SMARCB1: variants seen among roughly 807,000 people sequenced by gnomAD.
SMARCB1 encodes the protein SWI/SNF-related matrix-associated actin-dependent regulator of chromatin subfamily B member 1.
Under a neutral mutation model 49.0 loss-of-function variants are expected in SMARCB1, and 5 were observed. That is an observed-to-expected ratio of 0.10 (90% CI 0.05 to 0.21). The LOEUF (loss-of-function observed/expected upper bound fraction) is 0.21. SMARCB1 is among the 10% of genes least tolerant of loss of function. The pLI, the probability that SMARCB1 is intolerant of heterozygous loss-of-function variation, is 1.00. For synonymous variants in SMARCB1, 201 were observed against 200.1 expected (o/e 1.00, Z -0.04); for missense variants, 226 against 509.2 (o/e 0.44, Z 5.35).
intron 5 of SMARCB1, among the ~76,000 whole-genome samples, chr22:23,807,581 T>A (rs1972257): frequency 0.92 from 138,855 of 151,290 alleles, 63,858 homozygotes; most frequent in Middle Eastern, 0.96. Flanking sequence ...TCTCAAAAAC[T>A]TTTTTTTTAA....
Position 23,837,399 on chromosome 22 carries a change from G to A in SMARCB1, c.*3219G>A. On this transcript the variant is annotated 3_prime_UTR_variant, in exon 9 of 9. Transcript: ENST00000644036. The stretch of plus-strand genomic sequence containing the variant: ...ATAGTGGAGGAGTGGGAGCCATGGG[G>A]CAGGAACCCTGACCCTCCCATCCTC... 1 of 649,192 alleles carries A rather than the reference G, an allele frequency of 1.5e-6. No individual in the cohort carries two copies. 40.2% of individuals were successfully genotyped at this position (649,192 alleles called of 1,614,324 possible). A position where few individuals can be genotyped will look rare whatever the true frequency, so the allele number is the denominator to read the frequency against.
In SMARCB1 at chr22:23,837,550, G is replaced by C; in HGVS notation, c.*3370G>C. 2 of 1,158,994 alleles carry C rather than the reference G, an allele frequency of 1.7e-6. No individual in the cohort carries two copies. Among genetic ancestry groups the C allele is most frequent in the South Asian group, 2.9e-5 (2 of 68,188 alleles). The allele number at this position is 1,158,994 out of a possible 1,614,324, so 71.8% of individuals were successfully genotyped here. The stretch of plus-strand genomic sequence containing the variant: ...GGGCAGGAAGATGGGGATGGAGCCA[G>C]GTGTGAGGAGAACTCCAGCAAGGAT... On this transcript the variant is annotated 3_prime_UTR_variant, in exon 9 of 9. Coordinates refer to ENST00000644036, the MANE Select transcript of SMARCB1 (RefSeq NM_003073.5).
chr22:23,800,018 A>G (rs1431683855), intron 3 of SMARCB1, among the ~76,000 whole-genome samples: 1 of 150,490 alleles, frequency 6.6e-6, no homozygotes, highest in African/African-American at 2.4e-5. Context: ...TAGTAGAGAC[A>G]GGGTTTCACC....
chr22:23,830,649 C>CTTTTTTTTTTTTTTTTTTTTTTTTT (rs56800497), intron 7 of SMARCB1, among the ~76,000 whole-genome samples: 3 of 95,424 alleles, frequency 3.1e-5, no homozygotes, highest in African/African-American at 5.2e-5. Context: ...TCCAATTTAT[C>CTTTTTTTTTTTTTTTTTTTTTTTTT]TTTTTTTTTT....
chr22:23,823,002 A>G, intron 6 of SMARCB1: 1 of 81,190 alleles, frequency 1.2e-5, no homozygotes, highest in Non-Finnish European at 2.3e-5. Context: ...TTTTTTTGAC[A>G]CAGAGTCTCG....
chr22:23,821,615 T>A (rs886962508), intron 6 of SMARCB1, among the ~76,000 whole-genome samples: 1 of 152,080 alleles, frequency 6.6e-6, no homozygotes, highest in African/African-American at 2.4e-5. Context: ...TTTGGAGAGC[T>A]GAGGTGGGCA....
At chr22:23,821,210 G>A (rs1194736483) in intron 6 of SMARCB1, among the ~76,000 whole-genome samples, 1 of 152,208 alleles carries the variant, frequency 6.6e-6, no homozygotes, top group Non-Finnish European at 1.5e-5. Flanking sequence ...GTCCTGCTCT[G>A]CCCTTTGGGT....
At position 23,836,615 on chromosome 22, in the gene SMARCB1, G is replaced by A. The variant is rs1007433750; in HGVS notation, c.*2435G>A. 7.7e-5 allele frequency: 93 copies of A among 1,211,922 alleles called. No individual in the cohort carries two copies. The African/African-American group carries it at 1.4e-3, about 19-fold the overall frequency. 75.1% of individuals were successfully genotyped at this position (1,211,922 alleles called of 1,614,324 possible). A position where few individuals can be genotyped will look rare whatever the true frequency, so the allele number is the denominator to read the frequency against. On this transcript the variant is annotated 3_prime_UTR_variant, in exon 9 of 9. Transcript: ENST00000644036. The stretch of plus-strand genomic sequence containing the variant: ...CATGGGCAGTTTCTTTGCCCTCTGT[G>A]GGCACCCCTATCCTACCACCTGCAG...
chr22:23,833,448 G>A, intron 7 of SMARCB1, 124 bp from the exon 8 acceptor site: 1 of 1,351,772 alleles, frequency 7.4e-7, no homozygotes, highest in Non-Finnish European at 1.1e-6. Flanking sequence ...GGTGACTGGA[G>A]CATCCACTGG....
At chr22:23,833,726 G>A in intron 8 of SMARCB1, 23 bp downstream of exon 8, 1 of 1,613,652 alleles carries the variant, frequency 6.2e-7, no homozygotes, top group Non-Finnish European at 8.5e-7. Flanking sequence ...CTGTGGTCCT[G>A]GGCTCTGCCC....
At chr22:23,809,563 A>C (rs1929735730) in intron 5 of SMARCB1, among the ~76,000 whole-genome samples, 2 of 151,928 alleles carry the variant, frequency 1.3e-5, no homozygotes, top group South Asian at 4.1e-4. Flanking sequence ...GGCGTGAGCC[A>C]CTGTGCTCGG....
In SMARCB1 at chr22:23,801,019, A is replaced by G. The variant is rs35105793; in HGVS notation, c.438A>G (p.Pro146=). The part of the protein sequence containing the change: ...PNSSHHLDAV[P]CSTTINRNRM... ...GCTCCCACCACTTAGATGCCGTGCCATGCTCCACAACCATCAACAGGAACC... is the reference window on the plus strand; with the variant it reads ...GCTCCCACCACTTAGATGCCGTGCCGTGCTCCACAACCATCAACAGGAACC... Residue 146 remains proline, a synonymous_variant, in exon 4 of 9, where the codon CCA becomes CCG. Transcript: ENST00000644036. 1,522 of 1,614,144 alleles carry G rather than the reference A, an allele frequency of 9.4e-4. 11 individuals are homozygous for G. The African/African-American group carries it at 0.017, about 18-fold the overall frequency.
chr22:23,836,875 C>A lies in SMARCB1; in HGVS notation c.*2695C>A, dbSNP rs1369344318. 2.0e-6 allele frequency: 3 copies of A among 1,472,148 alleles called. No individual in the cohort carries two copies. In the Admixed American group the frequency reaches 7.8e-5, roughly 38 times the overall value. The allele number at this position is 1,472,148 out of a possible 1,614,324, so 91.2% of individuals were successfully genotyped here. ...GCCTGGCCCTGGGTGGGGGTCACTGCTGCGGGGGTGGCAGATGGGGTCCTG... is the reference window on the plus strand; with the variant it reads ...GCCTGGCCCTGGGTGGGGGTCACTGATGCGGGGGTGGCAGATGGGGTCCTG... On this transcript the variant is annotated 3_prime_UTR_variant, in exon 9 of 9. Transcript: ENST00000644036.
At chr22:23,804,669 G>A (rs1929383159) in intron 5 of SMARCB1, among the ~76,000 whole-genome samples, 1 of 152,128 alleles carries the variant, frequency 6.6e-6, no homozygotes, top group African/African-American at 2.4e-5. Flanking sequence ...TCAGCCTCCT[G>A]AGTAGCTGGA....
At chr22:23,796,845 T>C (rs1928779300) in intron 3 of SMARCB1, among the ~76,000 whole-genome samples, 1 of 152,060 alleles carries the variant, frequency 6.6e-6, no homozygotes, top group Non-Finnish European at 1.5e-5. Flanking sequence ...TGGCAGAGGT[T>C]TGAGGGAAGT....
intron 7 of SMARCB1, among the ~76,000 whole-genome samples, chr22:23,831,915 C>T (rs1177599610): frequency 2.0e-5 from 3 of 152,126 alleles, no homozygotes; most frequent in Non-Finnish European, 2.9e-5. Flanking sequence ...GTGGGGGTGC[C>T]GACATTGCCT....
chr22:23,824,463 T>G (rs2030267587), intron 6 of SMARCB1: 1 of 153,280 alleles, frequency 6.5e-6, no homozygotes, highest in Non-Finnish European at 1.5e-5. Flanking sequence ...GTGTCCATCC[T>G]ATTCAGAACA....
chr22:23,805,195 C>T (rs562106809), intron 5 of SMARCB1, among the ~76,000 whole-genome samples: 1 of 152,288 alleles, frequency 6.6e-6, no homozygotes, highest in South Asian at 2.1e-4. Context: ...GTGCTTGTCC[C>T]GTAGGTCCCA....
At chr22:23,809,023 T>C (rs5760037) in intron 5 of SMARCB1, among the ~76,000 whole-genome samples, 139,163 of 150,716 alleles carry the variant, frequency 0.92, 64,406 homozygotes, top group Middle Eastern at 0.97. Context: ...TTAGTAGAGA[T>C]GGGGTTTCAC....
Sources: allele counts gnomAD v4.1 joint callset (sites outside exome capture counted in the v4.1 genomes callset), GRCh38; gene constraint gnomAD v4.1.1; transcripts MANE v1.5; gene names NCBI Gene and HGNC (gene_info 2026-07-23, HGNC 2026-07-21).